Variants in SLC44A1 observed in about 807,000 individuals in gnomAD.
SLC44A1 encodes choline transporter-like protein 1.
A neutral mutation model predicts 79.3 loss-of-function variants in SLC44A1; 26 were observed. The ratio of observed to expected loss-of-function variants is 0.33; its 90% CI spans 0.24 to 0.46. The LOEUF (loss-of-function observed/expected upper bound fraction) is 0.46, where lower values mean the gene tolerates loss of function less well. Among genes scored for constraint, SLC44A1 ranks in the 20% least tolerant of loss-of-function variants. SLC44A1 has a pLI of 1.00. For missense variants in SLC44A1, 688 were observed against 798.1 expected (o/e 0.86, Z 1.66); for synonymous variants, 263 against 286.2 (o/e 0.92, Z 0.82).
In SLC44A1 at chr9:105,396,353, A is replaced by C. The variant is rs1316616373; in HGVS notation, c.*7297A>C. ...AACTTTAACAAAAAGGCAGGGAGAAAAGTGTGAAGGGCATCAAGCAAAATG... is the reference window on the plus strand; with the variant it reads ...AACTTTAACAAAAAGGCAGGGAGAACAGTGTGAAGGGCATCAAGCAAAATG... On this transcript the variant is annotated 3_prime_UTR_variant, in exon 16 of 16. Coordinates refer to ENST00000374720, the MANE Select transcript of SLC44A1 (RefSeq NM_080546.5). 1 of 985,448 alleles carries C rather than the reference A, an allele frequency of 1.0e-6. No individual in the cohort carries two copies. The highest frequency in any genetic ancestry group is 1.2e-6 in the Non-Finnish European group (1 of 829,936). The allele number at this position is 985,448 out of a possible 1,614,324, so 61.0% of individuals were successfully genotyped here.
At position 105,391,600 on chromosome 9, in the gene SLC44A1, G is replaced by A. The variant is rs549538048; in HGVS notation, c.*2544G>A. ...TTTATTCCTTGATTAATTTGATAAA[G>A]CCTCACAGAGGATTTTAAGCAATAT... On this transcript the variant is annotated 3_prime_UTR_variant, in exon 16 of 16. Coordinates refer to ENST00000374720, the MANE Select transcript of SLC44A1 (RefSeq NM_080546.5). The A allele has an allele frequency of 3.4e-5, 33 of 984,862 alleles. No individual in the cohort carries two copies. In the Middle Eastern group the frequency reaches 2.6e-3, roughly 78 times the overall value. The allele number at this position is 984,862 out of a possible 1,614,324, so 61.0% of individuals were successfully genotyped here. A position where few individuals can be genotyped will look rare whatever the true frequency, so the allele number is the denominator to read the frequency against.
intron 15 of SLC44A1, among the ~76,000 whole-genome samples, chr9:105,435,992 G>A (rs1207163093): frequency 1.3e-5 from 2 of 152,242 alleles, no homozygotes; most frequent in Admixed American, 6.5e-5. Context: ...GAGGTCAGGA[G>A]TTTGTGACCA....
At chr9:105,272,431 T>C (rs1379003239) in intron 1 of SLC44A1, among the ~76,000 whole-genome samples, 1 of 152,116 alleles carries the variant, frequency 6.6e-6, no homozygotes, top group Admixed American at 6.5e-5. Context: ...TTCAATGCAG[T>C]GCTATGCAGA....
chr9:105,321,814 T>TAA (rs748787290), intron 3 of SLC44A1, among the ~76,000 whole-genome samples: 18 of 143,790 alleles, frequency 1.3e-4, no homozygotes, highest in Admixed American at 4.1e-4. Context: ...GTATTTTAAT[T>TAA]AAAAAAAAAA....
intron 15 of SLC44A1, among the ~76,000 whole-genome samples, chr9:105,424,384 C>A (rs906308132): frequency 6.6e-6 from 1 of 152,194 alleles, no homozygotes; most frequent in Non-Finnish European, 1.5e-5. Flanking sequence ...CCCTTGTGGG[C>A]TCAGGTGTCC....
rs1469150383 is a variant in SLC44A1, at chr9:105,383,269, A to G, written c.1779A>G (p.Val593=). The G allele has an allele frequency of 5.6e-6, 9 of 1,613,816 alleles. No individual in the cohort carries two copies. In the South Asian group the frequency reaches 8.8e-5, roughly 16 times the overall value. The change falls in exon 14 of 16, where the codon GTA becomes GTG. Residue 593 remains valine, a synonymous_variant. Coordinates refer to ENST00000374720, the MANE Select transcript of SLC44A1 (RefSeq NM_080546.5). ...AHCFLSIYEM[V]VDVLFLCFAI... is the part of the protein sequence containing the mutation. ...GCTTCCTGTCTATTTATGAAATGGT[A>G]GTGGATGTATTATTCTTGTGTTTTG...
At chr9:105,349,263 A>G (rs1054439354) in intron 5 of SLC44A1, among the ~76,000 whole-genome samples, 5 of 152,190 alleles carry the variant, frequency 3.3e-5, no homozygotes, top group Non-Finnish European at 7.3e-5. Flanking sequence ...GTGTAACATG[A>G]GTCAACTTCT....
Position 105,299,253 on chromosome 9 carries a change from C to G in SLC44A1, c.70C>G (p.Arg24Gly). The change falls in exon 2 of 16, where the codon CGT (arginine) becomes GGT (glycine). Residue 24 changes from arginine to glycine, a missense_variant. Arg to Gly is a moderately radical substitution (Grantham distance 125, BLOSUM62 -2). Coordinates refer to ENST00000374720, the MANE Select transcript of SLC44A1 (RefSeq NM_080546.5). ...ACGAGAATGGAAGCCGCTGGAGGAC[C>G]GTAGCTGCACAGACATACCATGGCT... ...SKREWKPLEDRSCTDIPWLLL... is the reference protein window; with the variant it reads ...SKREWKPLEDGSCTDIPWLLL... 2 of 1,592,188 alleles carry G rather than the reference C, an allele frequency of 1.3e-6. No individual in the cohort carries two copies. Among genetic ancestry groups the G allele is most frequent in the Admixed American group, 1.8e-5 (1 of 54,460 alleles).
At chr9:105,346,133 A>G (rs1313058455) in intron 4 of SLC44A1, among the ~76,000 whole-genome samples, 3 of 152,124 alleles carry the variant, frequency 2.0e-5, no homozygotes, top group Non-Finnish European at 4.4e-5. Context: ...TTCTCTGTTC[A>G]TCAACCCTTT....
At chr9:105,324,892 G>C (rs34331578) in intron 3 of SLC44A1, among the ~76,000 whole-genome samples, 3 of 152,120 alleles carry the variant, frequency 2.0e-5, no homozygotes, top group Admixed American at 2.0e-4. Flanking sequence ...GCCCTCATAC[G>C]TTGCTGCTGG....
intron 15 of SLC44A1, among the ~76,000 whole-genome samples, chr9:105,424,299 A>G (rs535548298): frequency 6.6e-6 from 1 of 152,230 alleles, no homozygotes; most frequent in African/African-American, 2.4e-5. Context: ...GGCCTGTATG[A>G]GTTTCTTCTC....
chr9:105,429,859 T>C (rs750778722), intron 15 of SLC44A1, among the ~76,000 whole-genome samples: 59 of 150,444 alleles, frequency 3.9e-4, no homozygotes, highest in Non-Finnish European at 5.4e-4. Flanking sequence ...TATTTCTTTA[T>C]GCATGTGTAT....
At chr9:105,276,259 A>G (rs773837444) in intron 1 of SLC44A1, among the ~76,000 whole-genome samples, 9 of 152,314 alleles carry the variant, frequency 5.9e-5, no homozygotes, top group Admixed American at 1.3e-4. Context: ...AATAAAGTCA[A>G]CTTCTTTATA....
At chr9:105,333,333 T>C (rs1826812100) in intron 3 of SLC44A1, among the ~76,000 whole-genome samples, 1 of 152,168 alleles carries the variant, frequency 6.6e-6, no homozygotes. Context: ...CTTAGAACTG[T>C]GTACTCAATG....
Position 105,299,270 on chromosome 9 carries a change from A to G in SLC44A1, c.87A>G (p.Ile29Met), listed in dbSNP as rs1285273568. 1 of 1,597,640 alleles carries G rather than the reference A, an allele frequency of 6.3e-7. No homozygotes were observed. The highest frequency in any genetic ancestry group is 2.3e-5 in the East Asian group (1 of 43,968). Residue 29 changes from isoleucine to methionine, a missense_variant, in exon 2 of 16, where the codon ATA becomes ATG. Transcript: ENST00000374720. ...KPLEDRSCTD[I>M]PWLLLFILFC... ...TGGAGGACCGTAGCTGCACAGACAT[A>G]CCATGGCTGCTGCTCTTCATCCTCT... is the stretch of plus-strand genomic sequence containing the variant.
chr9:105,319,887 T>TA (rs1826330324), intron 3 of SLC44A1, among the ~76,000 whole-genome samples: 1 of 152,230 alleles, frequency 6.6e-6, no homozygotes. Context: ...AGTTATAACT[T>TA]ACATATAGTA....
chr9:105,353,478 T>C (rs138167409), intron 5 of SLC44A1, among the ~76,000 whole-genome samples: 3 of 152,328 alleles, frequency 2.0e-5, no homozygotes, highest in African/African-American at 4.8e-5. Context: ...TGTATAATTT[T>C]GTATCATCGA....
chr9:105,282,648 A>G (rs1257658824), intron 1 of SLC44A1, among the ~76,000 whole-genome samples: 1 of 152,058 alleles, frequency 6.6e-6, no homozygotes, highest in East Asian at 1.9e-4. Flanking sequence ...TCCTGGGTTC[A>G]ACCAATTCTC....
intron 3 of SLC44A1, among the ~76,000 whole-genome samples, chr9:105,316,882 G>A (rs747531918): frequency 7.9e-5 from 12 of 152,172 alleles, no homozygotes; most frequent in Non-Finnish European, 1.0e-4. Context: ...TCTGTAAATC[G>A]GAAACTGAAG....
Sources: gnomAD v4.1 joint callset for allele counts (sites outside exome capture counted in the v4.1 genomes callset) on GRCh38, gnomAD v4.1.1 for gene constraint, MANE v1.5 for transcripts, NCBI Gene and HGNC (gene_info 2026-07-23, HGNC 2026-07-21) for gene names.